The following GALNT13 variants were observed in gnomAD, a reference collection of about 807,000 sequenced individuals.
The protein encoded by GALNT13 is UDP-GalNAc:polypeptide N-acetylgalactosaminyltransferase 13.
GALNT13 carries 28 observed loss-of-function variants against 64.2 expected under a neutral mutation model. That is an observed-to-expected ratio of 0.44 (90% confidence interval 0.32 to 0.60). The LOEUF is 0.60. GALNT13 is among the 20% of genes least tolerant of loss of function. The pLI, the probability that GALNT13 is intolerant of heterozygous loss-of-function variation, is 0.05. For missense variants in GALNT13, 577 were observed against 669.8 expected, an observed-to-expected ratio of 0.86 and a Z score of 1.53; for synonymous variants, 214 against 224.6, an observed-to-expected ratio of 0.95 and a Z score of 0.42.
At chr2:153,715,313 A>G in the GALNT13 span, among the ~76,000 whole-genome samples, 1 of 152,250 alleles carries the variant, frequency 6.6e-6, no homozygotes, top group Non-Finnish European at 1.5e-5. Flanking sequence ...GAAGTCTAGA[A>G]CAAACTGTCT....
intron 11 of GALNT13, among the ~76,000 whole-genome samples, chr2:154,418,676 G>T (rs1700129908): frequency 6.6e-6 from 1 of 152,166 alleles, no homozygotes; most frequent in Non-Finnish European, 1.5e-5. Context: ...ATAAATTCCT[G>T]TTTAAGCTTC....
At chr2:153,132,593 A>G in the GALNT13 span, among the ~76,000 whole-genome samples, 1 of 152,190 alleles carries the variant, frequency 6.6e-6, no homozygotes, top group Non-Finnish European at 1.5e-5. Flanking sequence ...CTACTTCACA[A>G]TTCTGCTCTG....
At chr2:153,493,444 AAC>A in the GALNT13 span, among the ~76,000 whole-genome samples, 28 of 152,252 alleles carry the variant, frequency 1.8e-4, no homozygotes, top group African/African-American at 5.3e-4. Flanking sequence ...AAATGTAACA[AAC>A]ACAATACGAA....
At chr2:154,090,829 T>C (rs1701767417) in intron 3 of GALNT13, among the ~76,000 whole-genome samples, 1 of 152,012 alleles carries the variant, frequency 6.6e-6, no homozygotes, top group Non-Finnish European at 1.5e-5. Context: ...AAATCTAAAA[T>C]ACAACATTTA....
chr2:153,454,945 G>A, the GALNT13 span, among the ~76,000 whole-genome samples: 1 of 152,156 alleles, frequency 6.6e-6, no homozygotes, highest in African/African-American at 2.4e-5. Flanking sequence ...TATATGTAAA[G>A]TTCTGCAGAA....
intron 8 of GALNT13, among the ~76,000 whole-genome samples, chr2:154,267,941 A>T (rs908465656): frequency 6.6e-6 from 1 of 152,168 alleles, no homozygotes; most frequent in Non-Finnish European, 1.5e-5. Context: ...AGATTACACT[A>T]TGCATTTATT....
chr2:154,242,952 T>C, intron 6 of GALNT13, 47 bp downstream of exon 6: 1 of 1,453,096 alleles, frequency 6.9e-7, no homozygotes, highest in African/African-American at 1.4e-5. Context: ...CTGAACCTCT[T>C]AGGACAGTTC....
the GALNT13 span, among the ~76,000 whole-genome samples, chr2:153,244,065 A>C: frequency 7.2e-6 from 1 of 139,702 alleles, no homozygotes; most frequent in Admixed American, 6.8e-5. Context: ...ACTATTGAGA[A>C]AAAATGAAAG....
chr2:154,443,943 G>T (rs2105487573), intron 12 of GALNT13, among the ~76,000 whole-genome samples: 1 of 152,174 alleles, frequency 6.6e-6, no homozygotes, highest in South Asian at 2.1e-4. Flanking sequence ...CTATCTTAGG[G>T]TTTAGATGAT....
At chr2:153,531,342 G>A in the GALNT13 span, among the ~76,000 whole-genome samples, 1 of 152,246 alleles carries the variant, frequency 6.6e-6, no homozygotes, top group South Asian at 2.1e-4. Flanking sequence ...TTACATGGCT[G>A]GAGTAGGAGA....
intron 9 of GALNT13, among the ~76,000 whole-genome samples, chr2:154,371,491 T>C (rs1377672074): frequency 1.3e-5 from 2 of 152,102 alleles, no homozygotes; most frequent in South Asian, 2.1e-4. Flanking sequence ...GTATTTTTAA[T>C]AGAAAATACA....
the GALNT13 span, among the ~76,000 whole-genome samples, chr2:153,444,203 A>G: frequency 6.6e-6 from 1 of 152,030 alleles, no homozygotes; most frequent in African/African-American, 2.4e-5. Context: ...CCGCTGACCT[A>G]CCTACCTACC....
intron 3 of GALNT13, among the ~76,000 whole-genome samples, chr2:153,948,922 G>A (rs1691970466): frequency 6.6e-6 from 1 of 152,056 alleles, no homozygotes; most frequent in Admixed American, 6.6e-5. Context: ...TGATGAATAA[G>A]TGTGTACAAC....
At chr2:154,131,773 T>C (rs902346684) in intron 3 of GALNT13, among the ~76,000 whole-genome samples, 1 of 152,142 alleles carries the variant, frequency 6.6e-6, no homozygotes, top group Non-Finnish European at 1.5e-5. Context: ...GAAGGTGAAG[T>C]CCCACAATAG....
chr2:153,119,709 G>A, the GALNT13 span, among the ~76,000 whole-genome samples: 1 of 152,216 alleles, frequency 6.6e-6, no homozygotes, highest in East Asian at 1.9e-4. Flanking sequence ...CAAGGCATTA[G>A]TACCCTTTGG....
At chr2:153,898,096 G>T (rs1260831391) in intron 1 of GALNT13, among the ~76,000 whole-genome samples, 4 of 152,028 alleles carry the variant, frequency 2.6e-5, no homozygotes, top group African/African-American at 9.7e-5. Context: ...CTTTTTCACA[G>T]TTTTTCTGGA....
At chr2:154,045,508 C>T (rs1699230838) in intron 3 of GALNT13, among the ~76,000 whole-genome samples, 1 of 152,110 alleles carries the variant, frequency 6.6e-6, no homozygotes, top group African/African-American at 2.4e-5. Context: ...CCTTTGTGAC[C>T]CTTGCTTCAG....
the GALNT13 span, among the ~76,000 whole-genome samples, chr2:153,595,129 A>G: frequency 6.6e-6 from 1 of 152,090 alleles, no homozygotes; most frequent in Non-Finnish European, 1.5e-5. Flanking sequence ...GAGAAAATGT[A>G]CTTTTTTTGT....
chr2:154,205,741 A>G (rs1216257499), intron 4 of GALNT13, among the ~76,000 whole-genome samples: 7 of 152,058 alleles, frequency 4.6e-5, no homozygotes, highest in Non-Finnish European at 1.5e-5. Context: ...AAACCATCAG[A>G]TCTCGTGAGA....
Sources: gnomAD v4.1 joint callset for allele counts (sites outside exome capture counted in the v4.1 genomes callset) on GRCh38, gnomAD v4.1.1 for gene constraint, MANE v1.5 for transcripts, NCBI Gene and HGNC (gene_info 2026-07-23, HGNC 2026-07-21) for gene names.